The following BTBD9 variants were observed in gnomAD, a reference collection of about 807,000 sequenced individuals.
The protein encoded by BTBD9 is BTB domain containing 9.
BTBD9 carries 49 observed loss-of-function variants against 64.3 expected under a neutral mutation model. That is an observed-to-expected ratio of 0.76 (90% confidence interval 0.61 to 0.97). The LOEUF is 0.97. Ranked by LOEUF, BTBD9 falls within the 50% of genes least tolerant of loss-of-function variation. The pLI is 0.00. For missense variants in BTBD9, 598 were observed against 762.1 expected, an observed-to-expected ratio of 0.78 and a Z score of 2.53; for synonymous variants, 260 against 274.7, an observed-to-expected ratio of 0.95 and a Z score of 0.53.
At chr6:38,192,438 C>T in intron 10 of BTBD9, 81 bp downstream of exon 10, 1 of 1,339,540 alleles carries the variant, frequency 7.5e-7, no homozygotes. Flanking sequence ...GCAGAACAAA[C>T]AATTCCACTT....
intron 4 of BTBD9, among the ~76,000 whole-genome samples, chr6:38,589,848 G>A (rs565218560): frequency 2.0e-5 from 3 of 152,026 alleles, no homozygotes; most frequent in South Asian, 2.1e-4. Flanking sequence ...TCTCTCCTCC[G>A]GTTGTCCTCT....
intron 1 of BTBD9, among the ~76,000 whole-genome samples, chr6:38,616,488 A>G (rs1199217849): frequency 6.6e-6 from 1 of 152,140 alleles, no homozygotes; most frequent in South Asian, 2.1e-4. Flanking sequence ...AGCCAGGCAC[A>G]TGTCTAATAG....
intron 7 of BTBD9, among the ~76,000 whole-genome samples, chr6:38,315,598 T>C (rs1375559497): frequency 1.3e-5 from 2 of 152,200 alleles, no homozygotes; most frequent in African/African-American, 2.4e-5. Flanking sequence ...ACTGTTTAAT[T>C]TGCATGTGTT....
intron 6 of BTBD9, among the ~76,000 whole-genome samples, chr6:38,527,381 A>G (rs1371962910): frequency 2.0e-5 from 3 of 150,498 alleles, no homozygotes; most frequent in Non-Finnish European, 4.4e-5. Flanking sequence ...TGTAATCCCC[A>G]TGTATCAAGG....
intron 6 of BTBD9, among the ~76,000 whole-genome samples, chr6:38,570,823 G>T (rs1030727175): frequency 1.3e-5 from 2 of 152,134 alleles, no homozygotes; most frequent in African/African-American, 4.8e-5. Context: ...TCAGCAGAAA[G>T]ACTTAAATAG....
At chr6:38,297,896 A>G (rs1037406524) in intron 7 of BTBD9, among the ~76,000 whole-genome samples, 4 of 146,170 alleles carry the variant, frequency 2.7e-5, no homozygotes, top group East Asian at 4.0e-4. Context: ...GCTGCAGTGC[A>G]GTGGTGCTAT....
intron 6 of BTBD9, among the ~76,000 whole-genome samples, chr6:38,405,612 AAC>A (rs967967030): frequency 5.3e-5 from 8 of 152,110 alleles, no homozygotes; most frequent in Admixed American, 2.0e-4. Context: ...TAAAAAAAAA[AAC>A]AAACAATAAC....
intron 6 of BTBD9, among the ~76,000 whole-genome samples, chr6:38,408,221 A>G (rs1238708767): frequency 6.6e-6 from 1 of 152,066 alleles, no homozygotes; most frequent in Non-Finnish European, 1.5e-5. Flanking sequence ...AGTTAGGTGT[A>G]GTGACATGCA....
chr6:38,175,385 G>A (rs1370108692), intron 10 of BTBD9, among the ~76,000 whole-genome samples: 2 of 152,326 alleles, frequency 1.3e-5, no homozygotes, highest in East Asian at 1.9e-4. Flanking sequence ...TCAGTCAAGA[G>A]GAAAGGAAAT....
At chr6:38,298,153 C>G (rs1225066540) in intron 7 of BTBD9, among the ~76,000 whole-genome samples, 2 of 152,052 alleles carry the variant, frequency 1.3e-5, no homozygotes, top group African/African-American at 4.8e-5. Context: ...CCACACCTGG[C>G]CTCTGCTCCA....
intron 1 of BTBD9, among the ~76,000 whole-genome samples, chr6:38,637,164 A>G (rs189712813): frequency 6.6e-6 from 1 of 152,246 alleles, no homozygotes; most frequent in African/African-American, 2.4e-5. Context: ...ATTCATTCCA[A>G]AAGTGATTAA....
At chr6:38,202,592 C>T (rs1762504807) in intron 9 of BTBD9, among the ~76,000 whole-genome samples, 1 of 152,060 alleles carries the variant, frequency 6.6e-6, no homozygotes, top group African/African-American at 2.4e-5. Context: ...TATACTGGAA[C>T]ACCCAGAAAT....
intron 6 of BTBD9, among the ~76,000 whole-genome samples, chr6:38,455,952 C>T (rs1240108805): frequency 6.6e-6 from 1 of 151,898 alleles, no homozygotes; most frequent in East Asian, 1.9e-4. Context: ...GCTGGGATTA[C>T]AGGCATGAGC....
intron 6 of BTBD9, among the ~76,000 whole-genome samples, chr6:38,466,569 C>T (rs887185023): frequency 6.6e-6 from 1 of 151,870 alleles, no homozygotes; most frequent in African/African-American, 2.4e-5. Flanking sequence ...CTAGGGATTA[C>T]AGGCATGGGC....
chr6:38,377,585 T>C (rs1381463784), intron 6 of BTBD9, among the ~76,000 whole-genome samples: 1 of 152,152 alleles, frequency 6.6e-6, no homozygotes, highest in Non-Finnish European at 1.5e-5. Context: ...CATACAGGCA[T>C]GCACACACAC....
At chr6:38,515,528 C>T (rs1287128126) in intron 6 of BTBD9, among the ~76,000 whole-genome samples, 1 of 152,170 alleles carries the variant, frequency 6.6e-6, no homozygotes, top group African/African-American at 2.4e-5. Context: ...GGCATCATGA[C>T]ATTGAACAAA....
chr6:38,405,076 G>A (rs1767104789), intron 6 of BTBD9, among the ~76,000 whole-genome samples: 1 of 152,162 alleles, frequency 6.6e-6, no homozygotes, highest in African/African-American at 2.4e-5. Flanking sequence ...CAATGTAAGA[G>A]TTTCAGGAAC....
intron 6 of BTBD9, among the ~76,000 whole-genome samples, chr6:38,565,195 A>AC (rs1775438639): frequency 6.6e-6 from 1 of 151,846 alleles, no homozygotes; most frequent in African/African-American, 2.4e-5. Flanking sequence ...TTCTAATTCA[A>AC]CCCCCCTTCA....
intron 7 of BTBD9, among the ~76,000 whole-genome samples, chr6:38,317,434 T>A (rs1253485341): frequency 3.9e-5 from 6 of 152,208 alleles, no homozygotes; most frequent in East Asian, 1.9e-4. Context: ...CCTTTTTTTT[T>A]ATCCCTAACC....
Sources: allele counts gnomAD v4.1 joint callset (sites outside exome capture counted in the v4.1 genomes callset), GRCh38; gene constraint gnomAD v4.1.1; transcripts MANE v1.5; gene names NCBI Gene and HGNC (gene_info 2026-07-23, HGNC 2026-07-21).